The following CCSER2 variants were observed in gnomAD, a reference collection of about 807,000 sequenced individuals.
CCSER2 encodes the protein coiled-coil serine rich protein 2, also known as serine-rich coiled-coil domain-containing protein 2.
CCSER2 carries 46 observed loss-of-function variants against 92.3 expected under a neutral mutation model. The ratio of observed to expected loss-of-function variants is 0.50; its 90% CI spans 0.39 to 0.64. The LOEUF (loss-of-function observed/expected upper bound fraction) is 0.64, where lower values mean the gene tolerates loss of function less well. Among genes scored for constraint, CCSER2 ranks in the 30% least tolerant of loss-of-function variants. The pLI is 0.00. For missense variants in CCSER2, 1,244 were observed against 1,238.9 expected (o/e 1.00, Z -0.06); for synonymous variants, 433 against 431.4 (o/e 1.00, Z -0.04).
rs1564667378 is a variant in CCSER2 at position 84,441,734 on chromosome 10, A to AATTTTTTT, written c.2064+3027_2064+3028insATTTTTTT. Among the ~76,000 whole-genome samples the AATTTTTTT allele has an allele frequency of 2.8e-5, 3 of 106,410 alleles. 1 individual carries two copies. The highest frequency in any genetic ancestry group is 5.5e-5 in the Non-Finnish European group (3 of 54,118). The allele number at this position is 106,410 out of a possible 152,430, so 69.8% of individuals were successfully genotyped here. A position where few individuals can be genotyped will look rare whatever the true frequency, so the allele number is the denominator to read the frequency against. ...GGGAATAAAGTAGAAGACTGGGAAAATGTTTTTTTTTTTTTTTTTTTTTTT... is the reference window on the plus strand; with the variant it reads ...GGGAATAAAGTAGAAGACTGGGAAAAATTTTTTTTGTTTTTTTTTTTTTTTTTTTTTTT... On this transcript the variant is annotated intron_variant, in intron 6 of 9. Transcript: ENST00000372088.
At chr10:84,448,279 C>T (rs1426238842) in intron 6 of CCSER2, among the ~76,000 whole-genome samples, 2 of 152,164 alleles carry the variant, frequency 1.3e-5, no homozygotes, top group Non-Finnish European at 2.9e-5. Flanking sequence ...CCTCACTCTT[C>T]TTTGACTCTG....
intron 8 of CCSER2, among the ~76,000 whole-genome samples, chr10:84,471,161 T>A (rs1846771872): frequency 6.6e-6 from 1 of 152,092 alleles, no homozygotes; most frequent in South Asian, 2.1e-4. Context: ...ACTGAAAATA[T>A]AAAGGATATC....
intron 6 of CCSER2, among the ~76,000 whole-genome samples, chr10:84,458,044 G>T (rs1318980669): frequency 2.0e-5 from 3 of 151,946 alleles, no homozygotes; most frequent in African/African-American, 7.3e-5. Context: ...CAAAAGTTCT[G>T]CTCTTGAAGT....
intron 3 of CCSER2, among the ~76,000 whole-genome samples, chr10:84,383,306 A>T (rs1222786547): frequency 6.7e-6 from 1 of 148,436 alleles, no homozygotes; most frequent in Non-Finnish European, 1.5e-5. Context: ...TGATCTTTTT[A>T]TTTATTTATT....
intron 9 of CCSER2, among the ~76,000 whole-genome samples, chr10:84,500,913 G>A (rs1290031052): frequency 1.3e-5 from 2 of 152,142 alleles, no homozygotes; most frequent in Non-Finnish European, 2.9e-5. Context: ...TCTTGAATTA[G>A]CCAAAATTAT....
intron 1 of CCSER2, among the ~76,000 whole-genome samples, chr10:84,343,778 TTAA>T (rs755957389): frequency 3.9e-5 from 6 of 152,252 alleles, no homozygotes; most frequent in Non-Finnish European, 8.8e-5. Flanking sequence ...AGACATTTTA[TTAA>T]TGGGCTAGAA....
intron 1 of CCSER2, among the ~76,000 whole-genome samples, chr10:84,350,584 ATC>A (rs767139049): frequency 5.9e-5 from 9 of 152,252 alleles, no homozygotes; most frequent in Non-Finnish European, 1.2e-4. Flanking sequence ...AGTCTGCACT[ATC>A]TCTGTCAAGT....
In CCSER2 at chr10:84,424,996, T is replaced by G. The variant is rs370583341; in HGVS notation, c.1706-735T>G. On this transcript the variant is annotated intron_variant, in intron 4 of 9. Transcript: ENST00000372088. ...AGCCGGTAACACAATGTCTCCCTTG[T>G]GCAAAGTAACTCTCTTAGTGAGTGC... is the stretch of plus-strand genomic sequence containing the variant. The G allele has an allele frequency of 6.1e-5, 60 of 985,102 alleles. 2 individuals are homozygous for G. In the East Asian group the frequency reaches 3.0e-3, roughly 48 times the overall value. The allele number at this position is 985,102 out of a possible 1,614,324, so 61.0% of individuals were successfully genotyped here.
rs191585952 is a variant in CCSER2, at chr10:84,396,835, C to T, written c.1615-20936C>T. On this transcript the variant is annotated intron_variant, in intron 3 of 9. Transcript: ENST00000372088. ...TACAGGCGTGAGCCACCACACCTGGCCGAGATCATCCTTATTCTTTTTGTA... is the reference window on the plus strand; with the variant it reads ...TACAGGCGTGAGCCACCACACCTGGTCGAGATCATCCTTATTCTTTTTGTA... Among the ~76,000 whole-genome samples, 410 of 152,200 alleles carry T rather than the reference C, an allele frequency of 2.7e-3. 3 individuals carry two copies. Among genetic ancestry groups the T allele is most frequent in the African/African-American group, 9.1e-3 (377 of 41,528 alleles).
At chr10:84,351,130 A>G (rs2133068416) in intron 1 of CCSER2, among the ~76,000 whole-genome samples, 1 of 152,368 alleles carries the variant, frequency 6.6e-6, no homozygotes, top group African/African-American at 2.4e-5. Context: ...GATAGTTCAT[A>G]TAGCTGACTC....
intron 1 of CCSER2, among the ~76,000 whole-genome samples, chr10:84,366,230 C>T (rs2133142339): frequency 6.6e-6 from 1 of 152,206 alleles, no homozygotes; most frequent in East Asian, 1.9e-4. Context: ...AGGTGTGAGC[C>T]ACTGTGCCCG....
At chr10:84,388,144 T>C (rs1841327962) in intron 3 of CCSER2, among the ~76,000 whole-genome samples, 1 of 152,228 alleles carries the variant, frequency 6.6e-6, no homozygotes, top group Non-Finnish European at 1.5e-5. Context: ...ATTACAGCGC[T>C]CCTGGCCTGG....
chr10:84,469,498 C>T (rs543518733), intron 7 of CCSER2, among the ~76,000 whole-genome samples: 12 of 151,960 alleles, frequency 7.9e-5, no homozygotes, highest in African/African-American at 2.7e-4. Flanking sequence ...TTTTTGTTCC[C>T]GATGTAGCTA....
At chr10:84,498,873 T>C (rs971098679) in intron 9 of CCSER2, among the ~76,000 whole-genome samples, 7 of 152,286 alleles carry the variant, frequency 4.6e-5, no homozygotes, top group African/African-American at 1.7e-4. Context: ...GTTACTTTCT[T>C]GAAAAAAGTT....
intron 3 of CCSER2, among the ~76,000 whole-genome samples, chr10:84,395,220 T>C (rs925357881): frequency 4.4e-5 from 6 of 136,022 alleles, no homozygotes; most frequent in Admixed American, 8.1e-5. Flanking sequence ...TGAGACCCTG[T>C]CTTAAAAAAA....
In CCSER2 at chr10:84,389,449, A is replaced by T. The variant is rs76269639; in HGVS notation, c.1614+15634A>T. On this transcript the variant is annotated intron_variant, in intron 3 of 9. Transcript: ENST00000372088. ...GTGCAGAGGGAGAAGGTACCACGTC[A>T]ATCTGGGCCTGTCTATTCTGAATAG... is the stretch of plus-strand genomic sequence containing the variant. 556 of 421,448 alleles carry T rather than the reference A, an allele frequency of 1.3e-3. 2 individuals are homozygous for T. The highest frequency in any genetic ancestry group is 0.01 in the African/African-American group (502 of 49,056). 26.1% of individuals were successfully genotyped at this position (421,448 alleles called of 1,614,324 possible).
chr10:84,481,717 C>T (rs1233698817), intron 9 of CCSER2, among the ~76,000 whole-genome samples: 1 of 152,012 alleles, frequency 6.6e-6, no homozygotes, highest in Non-Finnish European at 1.5e-5. Context: ...CATTGAGGAC[C>T]AGAGTGTGAA....
intron 3 of CCSER2, among the ~76,000 whole-genome samples, chr10:84,403,306 C>G (rs549869970): frequency 2.0e-5 from 3 of 152,220 alleles, no homozygotes; most frequent in East Asian, 3.9e-4. Context: ...CAGAATGGAT[C>G]ATCGATCATA....
In CCSER2 at chr10:84,340,603, T is replaced by C. The variant is rs190054784; in HGVS notation, c.-40+11795T>C. 6.6e-5 allele frequency among the ~76,000 whole-genome samples: 10 copies of C among 152,244 alleles called. No homozygotes were observed. The East Asian group carries it at 1.2e-3, about 18-fold the overall frequency. The stretch of plus-strand genomic sequence containing the variant: ...ATTTATTTTCTATCCCATATCTCTA[T>C]TTTTGTCTGAATTTTTTTCCTTCTC... On this transcript the variant is annotated intron_variant, in intron 1 of 9. Transcript: ENST00000372088.
Sources: gnomAD v4.1 joint callset for allele counts (sites outside exome capture counted in the v4.1 genomes callset) on GRCh38, gnomAD v4.1.1 for gene constraint, MANE v1.5 for transcripts, NCBI Gene and HGNC (gene_info 2026-07-23, HGNC 2026-07-21) for gene names.